KPNA4: variants seen among roughly 807,000 people sequenced by gnomAD.
The protein encoded by KPNA4 is karyopherin subunit alpha 4, also known as importin subunit alpha-3.
KPNA4 carries 13 observed loss-of-function variants against 71.3 expected under a neutral mutation model. The observed-to-expected ratio is 0.18, with a 90% CI of 0.12 to 0.29. The LOEUF (loss-of-function observed/expected upper bound fraction) is 0.29. Ranked by LOEUF, KPNA4 falls within the 10% of genes least tolerant of loss-of-function variation. The probability of loss-of-function intolerance (pLI) is 1.00; values close to 1 mark genes in which losing one functional copy is unlikely to be tolerated. For synonymous variants in KPNA4, 189 were observed against 195.2 expected (o/e 0.97, Z 0.26); for missense variants, 334 against 603.2 (o/e 0.55, Z 4.67).
chr3:160,512,869 A>T (rs1025077147), intron 13 of KPNA4, among the ~76,000 whole-genome samples: 2 of 152,160 alleles, frequency 1.3e-5, no homozygotes, highest in African/African-American at 4.8e-5. Flanking sequence ...GTTCTTTACT[A>T]AAGAATCATG....
chr3:160,557,222 G>A (rs1341883304), intron 1 of KPNA4, among the ~76,000 whole-genome samples: 1 of 152,128 alleles, frequency 6.6e-6, no homozygotes. Context: ...AGTGTGAAGA[G>A]GAAGAACAGG....
intron 15 of KPNA4, among the ~76,000 whole-genome samples, chr3:160,505,611 T>C (rs1449440832): frequency 2.0e-5 from 3 of 152,214 alleles, no homozygotes; most frequent in Non-Finnish European, 2.9e-5. Flanking sequence ...ACTTAACTTG[T>C]TGATACACAA....
At chr3:160,557,167 G>C (rs1722153557) in intron 1 of KPNA4, among the ~76,000 whole-genome samples, 1 of 152,138 alleles carries the variant, frequency 6.6e-6, no homozygotes. Context: ...GTATTATCTT[G>C]CTTGTTTTTC....
chr3:160,506,261 T>C (rs1248792371), intron 15 of KPNA4, among the ~76,000 whole-genome samples: 2 of 151,926 alleles, frequency 1.3e-5, no homozygotes, highest in African/African-American at 4.8e-5. Context: ...CTCTGCCTCC[T>C]GGGTTCAAAT....
chr3:160,514,978 T>A (rs1560045830), intron 12 of KPNA4: 1 of 519,122 alleles, frequency 1.9e-6, no homozygotes, highest in Non-Finnish European at 3.8e-6. Flanking sequence ...TTAGGTGAGC[T>A]GTTCTTGGGT....
Position 160,499,312 on chromosome 3 carries a change from T to C in KPNA4, c.*2792A>G, listed in dbSNP as rs1340877029. On this transcript the variant is annotated 3_prime_UTR_variant, in exon 17 of 17. Transcript: ENST00000334256. ...TAGGGCGTCTCACACACCCCTAATA[T>C]AACATTCTTATTTTTACAGCACTTG... The C allele has an allele frequency of 1.3e-5, 2 of 152,138 alleles. No individual in the cohort carries two copies. Among genetic ancestry groups the C allele is most frequent in the Admixed American group, 1.3e-4 (2 of 15,288 alleles). 9.4% of individuals were successfully genotyped at this position (152,138 alleles called of 1,614,324 possible). A position where few individuals can be genotyped will look rare whatever the true frequency, so the allele number is the denominator to read the frequency against.
chr3:160,501,986 A>G lies in KPNA4; in HGVS notation c.*118T>C, dbSNP rs1396762658. ...ATTTAATGCAGCAGCAGATCCCATG[A>G]GCCAAGCTTGATGGATCAAACCTTT... On this transcript the variant is annotated 3_prime_UTR_variant, in exon 17 of 17. Transcript: ENST00000334256. 9.9e-6 allele frequency: 3 copies of G among 301,738 alleles called. No individual in the cohort carries two copies. In the Admixed American group the frequency reaches 1.5e-4, roughly 15 times the overall value. The allele number at this position is 301,738 out of a possible 1,614,324, so 18.7% of individuals were successfully genotyped here. A position where few individuals can be genotyped will look rare whatever the true frequency, so the allele number is the denominator to read the frequency against.
In KPNA4 at chr3:160,503,452, C is replaced by A. The variant is rs1431935330; in HGVS notation, c.1468-1250G>T. ...AAATATTCTAAAATTCAAAAAAATC[C>A]AAAATCCAAAACTGTTCTGGTCCCA... On this transcript the variant is annotated intron_variant, in intron 16 of 16. Coordinates refer to ENST00000334256, the MANE Select transcript of KPNA4 (RefSeq NM_002268.5). Among the ~76,000 whole-genome samples the A allele has an allele frequency of 2.0e-5, 3 of 152,116 alleles. No individual in the cohort carries two copies. In the East Asian group the frequency reaches 5.8e-4, roughly 29 times the overall value.
rs991353821 is a variant in KPNA4, at chr3:160,495,752, G to C, written c.*6352C>G. The C allele has an allele frequency of 1.3e-5, 2 of 149,976 alleles. No individual in the cohort carries two copies. Among genetic ancestry groups the C allele is most frequent in the Admixed American group, 6.8e-5 (1 of 14,714 alleles). The allele number at this position is 149,976 out of a possible 1,614,324, so 9.3% of individuals were successfully genotyped here. On this transcript the variant is annotated 3_prime_UTR_variant, in exon 17 of 17. Coordinates refer to ENST00000334256, the MANE Select transcript of KPNA4 (RefSeq NM_002268.5). ...TACCCATTTATGAAGGCAGCACATCGGCAAGTAAAAATGTAAGTGAAGGTA... is the reference window on the plus strand; with the variant it reads ...TACCCATTTATGAAGGCAGCACATCCGCAAGTAAAAATGTAAGTGAAGGTA...
chr3:160,534,730 A>G (rs956346309), intron 5 of KPNA4, among the ~76,000 whole-genome samples: 2 of 150,962 alleles, frequency 1.3e-5, no homozygotes. Context: ...AAAAAAAAAA[A>G]AAAAAGAAAT....
At chr3:160,542,150 T>C (rs1453663239) in intron 1 of KPNA4, among the ~76,000 whole-genome samples, 1 of 152,108 alleles carries the variant, frequency 6.6e-6, no homozygotes, top group East Asian at 1.9e-4. Flanking sequence ...AAGCCAGAAA[T>C]GAACAGGTAG....
At position 160,531,530 on chromosome 3, in the gene KPNA4, T is replaced by C; in HGVS notation, c.315A>G (p.Pro105=). 1.3e-6 allele frequency: 2 copies of C among 1,590,242 alleles called. No individual in the cohort carries two copies. The highest frequency in any genetic ancestry group is 1.7e-6 in the Non-Finnish European group (2 of 1,168,492). ...ARKLLSSDRN[P]PIDDLIKSGI... The stretch of plus-strand genomic sequence containing the variant: ...CAGATTTTATTAAGTCATCAATTGG[T>C]GGATTTCGATCACTGGACAAAAGCT... Residue 105 remains proline (P), a synonymous_variant, in exon 6 of 17, where the codon CCA becomes CCG. Transcript: ENST00000334256.
intron 1 of KPNA4, among the ~76,000 whole-genome samples, chr3:160,557,117 G>C (rs924285100): frequency 3.3e-5 from 5 of 152,116 alleles, no homozygotes; most frequent in African/African-American, 1.2e-4. Context: ...ACCTACTAAA[G>C]AACAAGGAGT....
chr3:160,534,192 A>G (rs1721633059), intron 5 of KPNA4, among the ~76,000 whole-genome samples: 1 of 152,166 alleles, frequency 6.6e-6, no homozygotes, highest in Non-Finnish European at 1.5e-5. Flanking sequence ...TAGACCTACA[A>G]ACTTTTTCCA....
chr3:160,544,687 G>C (rs1444688344), intron 1 of KPNA4, among the ~76,000 whole-genome samples: 2 of 152,194 alleles, frequency 1.3e-5, no homozygotes, highest in Non-Finnish European at 2.9e-5. Context: ...AAGAGTAAGA[G>C]AAGAAATGAG....
Position 160,500,007 on chromosome 3 carries a change from G to C in KPNA4, c.*2097C>G, listed in dbSNP as rs1720844287. On this transcript the variant is annotated 3_prime_UTR_variant, in exon 17 of 17. Coordinates refer to ENST00000334256, the MANE Select transcript of KPNA4 (RefSeq NM_002268.5). Reference sequence around the variant, plus strand: ...GGTGTCAACTGGACAAACTCAGTGGGCTAAAATATTAATATGTCCATACTG... The same window carrying C: ...GGTGTCAACTGGACAAACTCAGTGGCCTAAAATATTAATATGTCCATACTG... The C allele has an allele frequency of 6.6e-6, 1 of 151,942 alleles. No individual in the cohort carries two copies. Among genetic ancestry groups the C allele is most frequent in the Admixed American group, 6.6e-5 (1 of 15,266 alleles). 9.4% of individuals were successfully genotyped at this position (151,942 alleles called of 1,614,324 possible).
Position 160,553,189 on chromosome 3 carries a change from A to T in KPNA4, c.69+12025T>A, listed in dbSNP as rs538872835. Among the ~76,000 whole-genome samples the T allele has an allele frequency of 3.9e-5, 6 of 152,262 alleles. No homozygotes were observed. The South Asian group carries it at 1.2e-3, about 32-fold the overall frequency. On this transcript the variant is annotated intron_variant, in intron 1 of 16. Transcript: ENST00000334256. Reference sequence around the variant, plus strand: ...TCATATTTACCACCTTGTCTAAAAGAAACTGCTCTTTCCGGGGGTGCTCCT... The same window carrying T: ...TCATATTTACCACCTTGTCTAAAAGTAACTGCTCTTTCCGGGGGTGCTCCT...
chr3:160,502,553 T>C (rs529649982), intron 16 of KPNA4, among the ~76,000 whole-genome samples: 3 of 152,054 alleles, frequency 2.0e-5, no homozygotes, highest in African/African-American at 7.2e-5. Context: ...GTATTTTTTG[T>C]AGAGACGGAG....
intron 1 of KPNA4, among the ~76,000 whole-genome samples, chr3:160,561,267 T>TAC (rs1361778555): frequency 6.6e-6 from 1 of 152,112 alleles, no homozygotes; most frequent in Non-Finnish European, 1.5e-5. Flanking sequence ...TTAGGAAATC[T>TAC]ACAAGAAAAT....
Sources: gnomAD v4.1 joint callset for allele counts (sites outside exome capture counted in the v4.1 genomes callset) on GRCh38, gnomAD v4.1.1 for gene constraint, MANE v1.5 for transcripts, NCBI Gene and HGNC (gene_info 2026-07-23, HGNC 2026-07-21) for gene names.